Variants in MYO18B observed in about 807,000 individuals in gnomAD.
MYO18B encodes the protein unconventional myosin-XVIIIb.
A neutral mutation model predicts 273.0 loss-of-function variants in MYO18B; 204 were observed. The observed-to-expected ratio is 0.75, with a 90% CI of 0.67 to 0.84. MYO18B has a LOEUF of 0.84. MYO18B is among the 40% of genes least tolerant of loss of function. MYO18B has a pLI of 0.00. For synonymous variants in MYO18B, 1,330 were observed against 1,305.7 expected, an observed-to-expected ratio of 1.02 and a Z score of -0.40; for missense variants, 3,212 against 3,287.6, an observed-to-expected ratio of 0.98 and a Z score of 0.56.
intron 4 of MYO18B, 143 bp from the exon 5 acceptor site, chr22:25,769,967 A>G (rs991808960): frequency 6.0e-5 from 50 of 829,614 alleles, no homozygotes; most frequent in Non-Finnish European, 9.1e-5. Context: ...CTGCATTTAA[A>G]TAAGCACACT....
rs946064148 is a variant in MYO18B at position 25,814,587 on chromosome 22, G to A, written c.2522-8918G>A. On this transcript the variant is annotated intron_variant, in intron 12 of 43. Coordinates refer to ENST00000335473, the MANE Select transcript of MYO18B (RefSeq NM_032608.7). Reference sequence around the variant, plus strand: ...ACTTGCCAAATGGGGTGGACTAGGTGCTCTCCAGGGTCCCTTTTTCCTTGA... The same window carrying A: ...ACTTGCCAAATGGGGTGGACTAGGTACTCTCCAGGGTCCCTTTTTCCTTGA... Among the ~76,000 whole-genome samples the A allele has an allele frequency of 4.6e-5, 7 of 152,104 alleles. No individual in the cohort carries two copies. In the East Asian group the frequency reaches 1.4e-3, roughly 29 times the overall value.
intron 16 of MYO18B, 111 bp downstream of exon 16, chr22:25,833,108 G>A: frequency 2.0e-6 from 2 of 1,003,664 alleles, no homozygotes; most frequent in Non-Finnish European, 3.1e-6. Context: ...TGCACCTAGA[G>A]TCACCCCGGG....
At position 26,027,666 on chromosome 22, in the gene MYO18B, C is replaced by G; in HGVS notation, c.7692C>G (p.Tyr2564Ter). The part of the protein sequence containing the change: ...DDDVASIMKK[Y>*]LQK ...ATGTTGCGAGCATAATGAAGAAATA[C>G]CTCCAGAAGTAGGAACCAGTTCAGG... is the stretch of plus-strand genomic sequence containing the variant. Residue 2564 changes from tyrosine (Y) to a stop codon, truncating the protein, a stop_gained, in exon 43 of 44, where the codon TAC becomes TAG. Coordinates refer to ENST00000335473, the MANE Select transcript of MYO18B (RefSeq NM_032608.7). LOFTEE classifies it low-confidence loss of function (END_TRUNC). This position sits in a 1 kb window ranked among gnomAD's most constrained non-coding sequence, Gnocchi z 4.1. The G allele has an allele frequency of 6.2e-7, 1 of 1,610,970 alleles. No individual in the cohort carries two copies. Among genetic ancestry groups the G allele is most frequent in the Non-Finnish European group, 8.5e-7 (1 of 1,178,354 alleles).
At chr22:25,948,468 TTC>T (rs1555960840) in intron 36 of MYO18B, among the ~76,000 whole-genome samples, 1 of 139,116 alleles carries the variant, frequency 7.2e-6, no homozygotes, top group African/African-American at 2.7e-5. Flanking sequence ...CCTTCTTTCT[TTC>T]TTTCTTTCTT....
At chr22:25,813,544 A>T (rs1331323069) in intron 12 of MYO18B, among the ~76,000 whole-genome samples, 1 of 152,218 alleles carries the variant, frequency 6.6e-6, no homozygotes, top group Non-Finnish European at 1.5e-5. Context: ...CTAGAGGCAG[A>T]GACCCTTGAA....
At chr22:25,978,264 G>C (rs1019365123) in intron 39 of MYO18B, among the ~76,000 whole-genome samples, 1 of 152,194 alleles carries the variant, frequency 6.6e-6, no homozygotes, top group Admixed American at 6.5e-5. Context: ...CATCATACAG[G>C]AGGTGATTAT....
chr22:25,812,106 C>A (rs761393666), intron 12 of MYO18B, among the ~76,000 whole-genome samples: 31 of 152,202 alleles, frequency 2.0e-4, no homozygotes, highest in Non-Finnish European at 3.2e-4. Flanking sequence ...GTCTGCCATG[C>A]ACTGTGTCAT....
At chr22:25,875,812 T>C (rs2091175648) in intron 23 of MYO18B, among the ~76,000 whole-genome samples, 1 of 152,194 alleles carries the variant, frequency 6.6e-6, no homozygotes, top group African/African-American at 2.4e-5. Context: ...TGGGCAGTTT[T>C]AGAGATTTTT....
the MYO18B span, among the ~76,000 whole-genome samples, chr22:26,043,603 C>T: frequency 9.3e-5 from 14 of 150,782 alleles, no homozygotes; most frequent in Non-Finnish European, 1.5e-4. Context: ...CTCTGCCTCC[C>T]GGGTTCTTGC....
intron 39 of MYO18B, among the ~76,000 whole-genome samples, chr22:25,987,779 TA>T (rs2093218197): frequency 6.6e-6 from 1 of 152,200 alleles, no homozygotes; most frequent in Non-Finnish European, 1.5e-5. Context: ...GAATGAATAA[TA>T]TATGAATATA....
the MYO18B span, among the ~76,000 whole-genome samples, chr22:26,061,238 C>T: frequency 1.3e-5 from 2 of 152,180 alleles, no homozygotes; most frequent in South Asian, 2.1e-4. Flanking sequence ...TTCCTCAGCC[C>T]TTCCATCCCC....
chr22:25,831,383 T>A (rs547684633), intron 15 of MYO18B, among the ~76,000 whole-genome samples: 31 of 152,308 alleles, frequency 2.0e-4, no homozygotes, highest in Admixed American at 6.5e-4. Flanking sequence ...AGTGATTTTT[T>A]AAAATTTTTT....
At chr22:25,784,889 G>A (rs890584363) in intron 10 of MYO18B, among the ~76,000 whole-genome samples, 1 of 152,210 alleles carries the variant, frequency 6.6e-6, no homozygotes, top group African/African-American at 2.4e-5. Context: ...AGAGGTGCAC[G>A]TGGCAGGATA....
At chr22:25,863,824 G>C (rs6004804) in intron 21 of MYO18B, among the ~76,000 whole-genome samples, 24,533 of 152,120 alleles carry the variant, frequency 0.16, 2,380 homozygotes, top group East Asian at 0.28. Context: ...TGTAGATAGT[G>C]AGGGCCTTTT....
chr22:25,806,621 G>C lies in MYO18B; in HGVS notation c.2521+8524G>C, dbSNP rs547238254. ...CGTGGTTGATTTGCTGTTCGCCAAG[G>C]CTCATGGCTCAAGCCATCACTCCAG... On this transcript the variant is annotated intron_variant, in intron 12 of 43. Coordinates refer to ENST00000335473, the MANE Select transcript of MYO18B (RefSeq NM_032608.7). 2.0e-5 allele frequency among the ~76,000 whole-genome samples: 3 copies of C among 152,340 alleles called. No individual in the cohort carries two copies. In the East Asian group the frequency reaches 5.8e-4, roughly 29 times the overall value.
chr22:25,992,247 T>A lies in MYO18B; in HGVS notation c.6157-116T>A, dbSNP rs992507839. ...AGCCTCTCACGGAGAACTTACCACTTCATAGGTGCTCAGTGAACACTAGGC... is the reference window on the plus strand; with the variant it reads ...AGCCTCTCACGGAGAACTTACCACTACATAGGTGCTCAGTGAACACTAGGC... On this transcript the variant is annotated intron_variant, in intron 39 of 43. Transcript: ENST00000335473. 4.5e-6 allele frequency: 6 copies of A among 1,324,844 alleles called. No homozygotes were observed. The African/African-American group carries it at 7.2e-5, about 16-fold the overall frequency. The allele number at this position is 1,324,844 out of a possible 1,614,324, so 82.1% of individuals were successfully genotyped here.
At chr22:26,010,146 C>G (rs748068262) in intron 42 of MYO18B, among the ~76,000 whole-genome samples, 1 of 152,080 alleles carries the variant, frequency 6.6e-6, no homozygotes, top group Non-Finnish European at 1.5e-5. Flanking sequence ...TATTCTACCC[C>G]CCACCCAAAC....
chr22:25,861,840 C>G (rs1415930722), intron 21 of MYO18B, among the ~76,000 whole-genome samples: 1 of 152,138 alleles, frequency 6.6e-6, no homozygotes. Flanking sequence ...CAGATTAATA[C>G]TAACTTAATT....
At chr22:25,963,225 G>T (rs73414073) in intron 39 of MYO18B, among the ~76,000 whole-genome samples, 2,632 of 149,314 alleles carry the variant, frequency 0.018, 67 homozygotes, top group African/African-American at 0.058. Context: ...TTTTGACTCA[G>T]GTTGGGAGGA....
Sources: allele counts gnomAD v4.1 joint callset (sites outside exome capture counted in the v4.1 genomes callset), GRCh38; gene constraint gnomAD v4.1.1; non-coding constraint Gnocchi (gnomAD v3.1); transcripts MANE v1.5; gene names NCBI Gene and HGNC (gene_info 2026-07-23, HGNC 2026-07-21).